The following SUCLG1 variants were observed in gnomAD, a reference collection of about 807,000 sequenced individuals.
SUCLG1 encodes the protein succinate--CoA ligase [ADP/GDP-forming] subunit alpha, mitochondrial.
A neutral mutation model predicts 37.3 loss-of-function variants in SUCLG1; 26 were observed. The ratio of observed to expected loss-of-function variants is 0.70; its 90% CI spans 0.51 to 0.97. SUCLG1 has a LOEUF of 0.97. Among genes scored for constraint, SUCLG1 ranks in the 50% least tolerant of loss-of-function variants. The pLI is 0.00. For synonymous variants in SUCLG1, 163 were observed against 155.6 expected (o/e 1.05, Z -0.36); for missense variants, 433 against 432.9 (o/e 1.00, Z 0.00).
chr2:84,433,456 A>G (rs1482359731), intron 5 of SUCLG1, 21 bp from the exon 6 acceptor site: 1 of 1,604,326 alleles, frequency 6.2e-7, no homozygotes, highest in Non-Finnish European at 8.5e-7. Flanking sequence ...GAGAATTCAA[A>G]AATATTAGAT....
chr2:84,425,378 G>A, intron 8 of SUCLG1, 37 bp downstream of exon 8: 1 of 1,613,022 alleles, frequency 6.2e-7, no homozygotes. Context: ...GAGAAAGCCT[G>A]CAACCTCAGA....
At chr2:84,424,961 CCTT>C (rs1672511953) in intron 8 of SUCLG1, among the ~76,000 whole-genome samples, 1 of 152,186 alleles carries the variant, frequency 6.6e-6, no homozygotes, top group African/African-American at 2.4e-5. Context: ...CACCCAAACT[CCTT>C]CTTCATCCAA....
chr2:84,438,498 A>G (rs1291971976), intron 5 of SUCLG1, among the ~76,000 whole-genome samples: 1 of 152,232 alleles, frequency 6.6e-6, no homozygotes, highest in African/African-American at 2.4e-5. Flanking sequence ...TTATACTGCT[A>G]TTACATTACA....
At chr2:84,431,930 T>A (rs1245876862) in intron 6 of SUCLG1, among the ~76,000 whole-genome samples, 1 of 152,242 alleles carries the variant, frequency 6.6e-6, no homozygotes, top group Non-Finnish European at 1.5e-5. Context: ...CTTTTTGTTT[T>A]AGCTCCTTTA....
intron 1 of SUCLG1, chr2:84,458,587 G>A (rs1166318323): frequency 1.3e-5 from 2 of 152,328 alleles, no homozygotes; most frequent in South Asian, 2.1e-4. Context: ...CTGCAAATAA[G>A]CTGGTTTAGG....
intron 2 of SUCLG1, among the ~76,000 whole-genome samples, chr2:84,448,152 G>A (rs1345629431): frequency 4.9e-5 from 7 of 142,976 alleles, no homozygotes; most frequent in African/African-American, 7.9e-5. Flanking sequence ...CAACACATTC[G>A]TGTGCTCAGT....
chr2:84,438,089 A>G (rs375233246), intron 5 of SUCLG1, among the ~76,000 whole-genome samples: 2 of 152,340 alleles, frequency 1.3e-5, no homozygotes, highest in African/African-American at 4.8e-5. Context: ...GTGACTAGAA[A>G]AGGGTAACAT....
At chr2:84,437,656 C>T (rs1443425000) in intron 5 of SUCLG1, among the ~76,000 whole-genome samples, 1 of 152,212 alleles carries the variant, frequency 6.6e-6, no homozygotes, top group African/African-American at 2.4e-5. Flanking sequence ...AGCAATTCAG[C>T]AGTTTCTTAA....
chr2:84,435,554 C>T (rs769295246), intron 5 of SUCLG1, among the ~76,000 whole-genome samples: 1 of 152,180 alleles, frequency 6.6e-6, no homozygotes, highest in Non-Finnish European at 1.5e-5. Context: ...GCCTGCTGAC[C>T]GTCTGCAAGA....
In SUCLG1 at chr2:84,431,600, T is replaced by C; in HGVS notation, c.733A>G (p.Asn245Asp). 6.2e-7 allele frequency: 1 copy of C among 1,614,036 alleles called. No homozygotes were observed. Among genetic ancestry groups the C allele is most frequent in the Non-Finnish European group, 8.5e-7 (1 of 1,179,952 alleles). ...ATGATGCCTTCTGTGGCAGAATCGT[T>C]CAAAAAGATTTCGAGGCAGTCAATA... ...DFIDCLEIFL[N>D]DSATEGIILI... Residue 245 changes from asparagine (N) to aspartate (D), a missense_variant, in exon 7 of 9, where the codon AAC (asparagine) becomes GAC (aspartate). Physicochemically the swap from Asn to Asp is conservative, Grantham distance 23 (BLOSUM62 1). Transcript: ENST00000393868.
intron 2 of SUCLG1, among the ~76,000 whole-genome samples, chr2:84,444,166 T>C (rs1483533493): frequency 1.3e-5 from 2 of 152,182 alleles, no homozygotes; most frequent in Non-Finnish European, 2.9e-5. Flanking sequence ...GGGGCTTGAC[T>C]TCCCCTGGTT....
intron 7 of SUCLG1, among the ~76,000 whole-genome samples, chr2:84,430,815 C>A (rs1298408923): frequency 6.6e-6 from 1 of 152,154 alleles, no homozygotes; most frequent in Non-Finnish European, 1.5e-5. Context: ...ACAACAATGG[C>A]CACAGCACAA....
In SUCLG1 at chr2:84,449,554, A is replaced by G. The variant is rs1487861487; in HGVS notation, c.201+95T>C. On this transcript the variant is annotated intron_variant, in intron 2 of 8. Coordinates refer to ENST00000393868, the MANE Select transcript of SUCLG1 (RefSeq NM_003849.4). Reference sequence around the variant, plus strand: ...CTGTACAGTATATTTTTCTGCAACAATCATGTGTTATTTTTGAGATATTAA... The same window carrying G: ...CTGTACAGTATATTTTTCTGCAACAGTCATGTGTTATTTTTGAGATATTAA... 4 of 862,792 alleles carry G rather than the reference A, an allele frequency of 4.6e-6. No homozygotes were observed. The African/African-American group carries it at 5.1e-5, about 11-fold the overall frequency. 53.4% of individuals were successfully genotyped at this position (862,792 alleles called of 1,614,324 possible).
At chr2:84,427,714 G>C (rs1325741110) in intron 7 of SUCLG1, among the ~76,000 whole-genome samples, 1 of 152,154 alleles carries the variant, frequency 6.6e-6, no homozygotes, top group Non-Finnish European at 1.5e-5. Flanking sequence ...ATTGAGAAGA[G>C]ATCTGTCTGA....
At chr2:84,443,622 C>T (rs1458176942) in intron 2 of SUCLG1, among the ~76,000 whole-genome samples, 3 of 152,184 alleles carry the variant, frequency 2.0e-5, no homozygotes, top group Non-Finnish European at 4.4e-5. Context: ...TGTTTTCAAA[C>T]TTGGCTGATA....
At chr2:84,424,146 C>T (rs1001672629) in intron 8 of SUCLG1, among the ~76,000 whole-genome samples, 2 of 152,118 alleles carry the variant, frequency 1.3e-5, no homozygotes, top group African/African-American at 4.8e-5. Flanking sequence ...TCTAAGAAGG[C>T]AATGGAAACA....
intron 5 of SUCLG1, among the ~76,000 whole-genome samples, chr2:84,434,441 T>G (rs903552807): frequency 7.2e-5 from 11 of 152,190 alleles, no homozygotes; most frequent in Non-Finnish European, 1.5e-4. Context: ...ATTTCACATC[T>G]GGATTAGGTG....
intron 6 of SUCLG1, chr2:84,432,670 T>C (rs113185728): frequency 6.6e-6 from 1 of 152,204 alleles, no homozygotes; most frequent in Non-Finnish European, 1.5e-5. Context: ...ATAAAAACAC[T>C]CCAGAGCTAT....
At position 84,438,607 on chromosome 2, in the gene SUCLG1, T is replaced by C. The variant is rs191000556; in HGVS notation, c.589+2440A>G. Among the ~76,000 whole-genome samples, 5 of 152,294 alleles carry C rather than the reference T, an allele frequency of 3.3e-5. No homozygotes were observed. The East Asian group carries it at 5.8e-4, about 18-fold the overall frequency. On this transcript the variant is annotated intron_variant, in intron 5 of 8. Transcript: ENST00000393868. ...AAGTCAAGGAGGCTATTGAGACTATTAGCAATGGTACCAAAATAGGAAGAG... is the reference window on the plus strand; with the variant it reads ...AAGTCAAGGAGGCTATTGAGACTATCAGCAATGGTACCAAAATAGGAAGAG...
Sources: allele counts gnomAD v4.1 joint callset (sites outside exome capture counted in the v4.1 genomes callset), GRCh38; gene constraint gnomAD v4.1.1; transcripts MANE v1.5; gene names NCBI Gene and HGNC (gene_info 2026-07-23, HGNC 2026-07-21).